Variants in ARHGEF9 observed in about 807,000 individuals in gnomAD.
ARHGEF9 encodes rho guanine nucleotide exchange factor 9.
In ARHGEF9, 2 loss-of-function variants were observed where a neutral mutation model predicts 41.3. That is an observed-to-expected ratio of 0.05 (90% CI 0.02 to 0.15). ARHGEF9 has a LOEUF of 0.15. ARHGEF9 is among the 10% of genes least tolerant of loss of function. The pLI, the probability that ARHGEF9 is intolerant of heterozygous loss-of-function variation, is 1.00. For missense variants in ARHGEF9, 225 were observed against 424.7 expected (o/e 0.53, Z 4.13); for synonymous variants, 160 against 154.4 (o/e 1.04, Z -0.27).
chrX:63,737,806 G>A (rs782528504), intron 1 of ARHGEF9, among the ~76,000 whole-genome samples: 9 of 111,936 alleles, frequency 8.0e-5, no homozygotes, highest in Non-Finnish European at 1.5e-4. Context: ...TTAAAGGTAA[G>A]GAAACTAATT....
At chrX:63,761,212 C>T (rs1428735173) in intron 1 of ARHGEF9, among the ~76,000 whole-genome samples, 2 of 111,710 alleles carry the variant, frequency 1.8e-5, no homozygotes, top group African/African-American at 6.5e-5. Context: ...AAAAATAAGT[C>T]AGCCGTTTGA....
intron 2 of ARHGEF9, among the ~76,000 whole-genome samples, chrX:63,720,914 T>C (rs1436003793): frequency 8.9e-6 from 1 of 112,222 alleles, no homozygotes; most frequent in African/African-American, 3.2e-5. Flanking sequence ...CTGGCCCCTC[T>C]GGGCTTTCCT....
At chrX:63,781,599 T>C (rs1480040552) in intron 1 of ARHGEF9, among the ~76,000 whole-genome samples, 4 of 111,863 alleles carry the variant, frequency 3.6e-5, no homozygotes, top group South Asian at 7.6e-4. Flanking sequence ...AGTCATTTCA[T>C]ATAGATCATC....
At chrX:63,657,501 G>A (rs1490248832) in intron 7 of ARHGEF9, 6 of 111,844 alleles carry the variant, frequency 5.4e-5, no homozygotes, top group Non-Finnish European at 1.1e-4. Flanking sequence ...TAACAATCAT[G>A]TTACTTTTTT....
chrX:63,725,225 A>T (rs2053884290), intron 1 of ARHGEF9, among the ~76,000 whole-genome samples: 1 of 110,162 alleles, frequency 9.1e-6, no homozygotes, highest in African/African-American at 3.3e-5. Flanking sequence ...AACATTCCTC[A>T]CGCATAATGG....
At chrX:63,690,910 A>G (rs150890941) in intron 4 of ARHGEF9, among the ~76,000 whole-genome samples, 41 of 112,264 alleles carry the variant, frequency 3.7e-4, no homozygotes, top group Non-Finnish European at 6.8e-4. Context: ...TAGATGCTGA[A>G]AAAGCATTTC....
chrX:63,773,163 C>A (rs2056232177), intron 1 of ARHGEF9, among the ~76,000 whole-genome samples: 1 of 112,070 alleles, frequency 8.9e-6, no homozygotes, highest in African/African-American at 3.2e-5. Flanking sequence ...CACATACACA[C>A]AAACACAAAA....
At chrX:63,716,326 T>C (rs188057614) in intron 2 of ARHGEF9, among the ~76,000 whole-genome samples, 10 of 109,384 alleles carry the variant, frequency 9.1e-5, no homozygotes, top group African/African-American at 3.0e-4. Context: ...TTATGGAGAA[T>C]GGGCTAGAAA....
At chrX:63,775,094 C>G (rs1556457375) in intron 1 of ARHGEF9, among the ~76,000 whole-genome samples, 1 of 112,267 alleles carries the variant, frequency 8.9e-6, no homozygotes, top group Non-Finnish European at 1.9e-5. Flanking sequence ...TAATTAATCA[C>G]TAGAGAAATG....
At chrX:63,643,052 G>A (rs1236954526) in intron 9 of ARHGEF9, 2 of 111,986 alleles carry the variant, frequency 1.8e-5, no homozygotes, top group African/African-American at 6.5e-5. Context: ...AAGATGAAAT[G>A]AAATAACATA....
At chrX:63,734,078 T>C (rs1433426196) in intron 1 of ARHGEF9, among the ~76,000 whole-genome samples, 1 of 112,263 alleles carries the variant, frequency 8.9e-6, no homozygotes, top group Non-Finnish European at 1.9e-5. Flanking sequence ...TAGCAATAGA[T>C]GGTAAGAAAC....
intron 7 of ARHGEF9, among the ~76,000 whole-genome samples, chrX:63,662,749 A>G (rs2049296481): frequency 8.9e-6 from 1 of 112,283 alleles, no homozygotes; most frequent in Non-Finnish European, 1.9e-5. Context: ...AATTGAGTTA[A>G]TAAGTGTAAA....
At chrX:63,778,736 C>G (rs1270274026) in intron 1 of ARHGEF9, among the ~76,000 whole-genome samples, 1 of 112,260 alleles carries the variant, frequency 8.9e-6, no homozygotes, top group Non-Finnish European at 1.9e-5. Context: ...TAAATCATCT[C>G]TCTCAAGTTC....
chrX:63,779,046 A>G (rs1556460557), intron 1 of ARHGEF9, among the ~76,000 whole-genome samples: 2 of 112,046 alleles, frequency 1.8e-5, no homozygotes, highest in African/African-American at 6.5e-5. Context: ...TAATAGTTTC[A>G]GGACTGAGAA....
In ARHGEF9 at chrX:63,641,579, T is replaced by C. The variant is rs1556306132; in HGVS notation, c.1390+2401A>G. On this transcript the variant is annotated intron_variant, in intron 9 of 9. Coordinates refer to ENST00000671741, the MANE Select transcript of ARHGEF9 (RefSeq NM_001353921.2). Reference sequence around the variant, plus strand: ...CAGGGCTATCTTCTGGTTAACCAACTCCTGGTTGCTTTATAGATATTCCTT... The same window carrying C: ...CAGGGCTATCTTCTGGTTAACCAACCCCTGGTTGCTTTATAGATATTCCTT... The C allele has an allele frequency of 2.7e-5, 3 of 111,453 alleles. No individual in the cohort carries two copies. The South Asian group carries it at 1.1e-3, about 42-fold the overall frequency. 9.2% of individuals were successfully genotyped at this position (111,453 alleles called of 1,213,427 possible).
chrX:63,680,205 T>C (rs782198957), intron 4 of ARHGEF9, among the ~76,000 whole-genome samples: 1 of 112,436 alleles, frequency 8.9e-6, no homozygotes, highest in South Asian at 3.7e-4. Flanking sequence ...TTGGTAGCTA[T>C]CCATGAACAA....
chrX:63,780,172 C>A (rs1329951111), intron 1 of ARHGEF9, among the ~76,000 whole-genome samples: 2 of 111,974 alleles, frequency 1.8e-5, no homozygotes, highest in African/African-American at 6.5e-5. Context: ...GGAGAAAAGT[C>A]TCTAAAGACT....
chrX:63,699,094 G>T (rs2051974000), intron 3 of ARHGEF9, among the ~76,000 whole-genome samples: 1 of 111,432 alleles, frequency 9.0e-6, no homozygotes, highest in Non-Finnish European at 1.9e-5. Context: ...CTGTCTATCT[G>T]TCTCTTTCAC....
intron 8 of ARHGEF9, among the ~76,000 whole-genome samples, chrX:63,651,069 A>T (rs782154181): frequency 5.4e-5 from 6 of 111,267 alleles, no homozygotes; most frequent in Non-Finnish European, 1.1e-4. Flanking sequence ...CATACAGAAC[A>T]AGATTTTGAT....
Sources: allele counts gnomAD v4.1 joint callset (sites outside exome capture counted in the v4.1 genomes callset), GRCh38; gene constraint gnomAD v4.1.1; transcripts MANE v1.5; gene names NCBI Gene and HGNC (gene_info 2026-07-23, HGNC 2026-07-21).